GPR155: variants seen among roughly 807,000 people sequenced by gnomAD.
GPR155 encodes G protein-coupled receptor 155, also known as lysosomal cholesterol signaling protein.
A neutral mutation model predicts 93.1 loss-of-function variants in GPR155; 65 were observed. The ratio of observed to expected loss-of-function variants is 0.70; its 90% confidence interval spans 0.57 to 0.86. The LOEUF is 0.86. GPR155 is among the 40% of genes least tolerant of loss of function. GPR155 has a pLI of 0.00. For synonymous variants in GPR155, 319 were observed against 360.1 expected, an observed-to-expected ratio of 0.89 and a Z score of 1.29; for missense variants, 838 against 1,034.8, an observed-to-expected ratio of 0.81 and a Z score of 2.61.
chr2:174,445,230 C>G (rs1687084892), intron 12 of GPR155, 54 bp from the exon 13 acceptor site: 2 of 859,770 alleles, frequency 2.3e-6, no homozygotes, highest in Non-Finnish European at 2.0e-6. Context: ...GATAATTCCT[C>G]TCCATCCACA....
chr2:174,478,405 G>A (rs573931936), intron 2 of GPR155, among the ~76,000 whole-genome samples: 51 of 152,216 alleles, frequency 3.4e-4, no homozygotes, highest in African/African-American at 1.2e-3. Context: ...TTGTTGTAGA[G>A]ACAGGGTTTT....
intron 15 of GPR155, among the ~76,000 whole-genome samples, chr2:174,439,663 G>A (rs1212032492): frequency 6.6e-6 from 1 of 152,100 alleles, no homozygotes; most frequent in Non-Finnish European, 1.5e-5. Flanking sequence ...CATTTTATAT[G>A]GCAATCAGAA....
At chr2:174,468,425 A>G (rs1011817108) in intron 5 of GPR155, among the ~76,000 whole-genome samples, 4 of 152,206 alleles carry the variant, frequency 2.6e-5, no homozygotes, top group African/African-American at 9.6e-5. Flanking sequence ...GAAGTAACCA[A>G]AAGTTTCATT....
At chr2:174,470,587 A>G in intron 3 of GPR155, 32 bp from the exon 4 acceptor site, 2 of 1,595,962 alleles carry the variant, frequency 1.3e-6, no homozygotes, top group Non-Finnish European at 8.5e-7. Flanking sequence ...CATTTACCTG[A>G]TATCAAAGCA....
chr2:174,483,319 G>A (rs1688384073), intron 1 of GPR155, among the ~76,000 whole-genome samples: 1 of 152,128 alleles, frequency 6.6e-6, no homozygotes, highest in African/African-American at 2.4e-5. Flanking sequence ...AGTATTATAA[G>A]TTTTCCACTA....
At chr2:174,471,480 A>AG (rs1687997861) in intron 3 of GPR155, among the ~76,000 whole-genome samples, 1 of 151,822 alleles carries the variant, frequency 6.6e-6, no homozygotes, top group South Asian at 2.1e-4. Flanking sequence ...AAAAAAAAAA[A>AG]AAAAAAAATT....
chr2:174,450,761 G>A (rs1011227718), intron 11 of GPR155, among the ~76,000 whole-genome samples: 1 of 152,096 alleles, frequency 6.6e-6, no homozygotes, highest in Non-Finnish European at 1.5e-5. Context: ...CAATTCTATA[G>A]CTCTTGCCCT....
chr2:174,452,731 C>T (rs772429316), intron 11 of GPR155, among the ~76,000 whole-genome samples: 7 of 152,064 alleles, frequency 4.6e-5, no homozygotes, highest in Admixed American at 6.6e-5. Flanking sequence ...CTGCAACCTC[C>T]GCCTCCTGTG....
chr2:174,466,881 G>T (rs1243601338), intron 5 of GPR155, among the ~76,000 whole-genome samples: 2 of 152,156 alleles, frequency 1.3e-5, no homozygotes. Flanking sequence ...ATGTGGCCAG[G>T]CATCGTGGCT....
chr2:174,472,361 G>A (rs951653327), intron 3 of GPR155, among the ~76,000 whole-genome samples: 6 of 152,268 alleles, frequency 3.9e-5, no homozygotes, highest in Middle Eastern at 3.4e-3. Context: ...AGCCAAGATC[G>A]CATGACTGCA....
In GPR155 at chr2:174,459,889, A is replaced by C; in HGVS notation, c.1760T>G (p.Ile587Ser). Reference sequence around the variant, plus strand: ...TAAAAAGATCATACTTGTTTCTGGAATAGAGCTTGTAAAAAGTTCTGGTTC... The same window carrying C: ...TAAAAAGATCATACTTGTTTCTGGACTAGAGCTTGTAAAAAGTTCTGGTTC... Reference protein sequence around the residue: ...VNEPELFTSSIPETSCCSCSM... With the variant: ...VNEPELFTSSSPETSCCSCSM... The change falls in exon 10 of 16, where the codon ATT becomes AGT. Residue 587 changes from isoleucine (I) to serine (S), a missense_variant. This residue lies in a region of GPR155 where 663 missense variants were observed against 790.1 expected (regional missense o/e 0.84). Coordinates refer to ENST00000392552, the MANE Select transcript of GPR155 (RefSeq NM_152529.7). The C allele has an allele frequency of 6.2e-7, 1 of 1,604,696 alleles. No individual in the cohort carries two copies. The highest frequency in any genetic ancestry group is 1.7e-4 in the Middle Eastern group (1 of 6,036).
chr2:174,437,379 A>G (rs751228596), intron 15 of GPR155, among the ~76,000 whole-genome samples: 5 of 152,174 alleles, frequency 3.3e-5, no homozygotes, highest in South Asian at 2.1e-4. Context: ...TAAGAATTAG[A>G]AAAAAAGGTT....
intron 2 of GPR155, among the ~76,000 whole-genome samples, chr2:174,480,712 A>G (rs1688293689): frequency 6.6e-6 from 1 of 152,200 alleles, no homozygotes; most frequent in South Asian, 2.1e-4. Flanking sequence ...TTTTTCTTAA[A>G]CAAGAAATTA....
At chr2:174,478,387 T>C (rs1222367693) in intron 2 of GPR155, among the ~76,000 whole-genome samples, 1 of 152,168 alleles carries the variant, frequency 6.6e-6, no homozygotes, top group African/African-American at 2.4e-5. Flanking sequence ...TGGCTAATTT[T>C]GCTGTTGTTG....
chr2:174,465,608 T>C (rs1431987217), intron 7 of GPR155, among the ~76,000 whole-genome samples, 177 bp downstream of exon 7: 9 of 151,716 alleles, frequency 5.9e-5, no homozygotes, highest in Non-Finnish European at 1.3e-4. Flanking sequence ...AGGAATAGAG[T>C]ACATTAGGAA....
Position 174,435,994 on chromosome 2 carries a change from A to G in GPR155, c.*122T>C. The G allele has an allele frequency of 1.4e-6, 1 of 714,570 alleles. No individual in the cohort carries two copies. The highest frequency in any genetic ancestry group is 2.6e-5 in the Admixed American group (1 of 37,848). 44.3% of individuals were successfully genotyped at this position (714,570 alleles called of 1,614,324 possible). ...GTGGGAGCACATCTTTTCACATTTT[A>G]CAGAAGAGACAACTGAGGCTCAGAG... On this transcript the variant is annotated 3_prime_UTR_variant, in exon 16 of 16. Coordinates refer to ENST00000392552, the MANE Select transcript of GPR155 (RefSeq NM_152529.7).
At chr2:174,458,293 A>T (rs759480958) in intron 10 of GPR155, among the ~76,000 whole-genome samples, 2 of 152,204 alleles carry the variant, frequency 1.3e-5, no homozygotes, top group Non-Finnish European at 2.9e-5. Flanking sequence ...GACCATGGTA[A>T]CTGGAATGTT....
intron 1 of GPR155, among the ~76,000 whole-genome samples, chr2:174,484,289 T>C (rs1482982906): frequency 6.6e-6 from 1 of 152,172 alleles, no homozygotes; most frequent in African/African-American, 2.4e-5. Flanking sequence ...TACACATACT[T>C]GAAGTAAGGA....
At chr2:174,469,213 A>T in intron 4 of GPR155, 146 bp from the exon 5 acceptor site, 1 of 609,474 alleles carries the variant, frequency 1.6e-6, no homozygotes, top group Non-Finnish European at 2.8e-6. Flanking sequence ...ATCCAATACC[A>T]TACTTCCCCT....
Sources: gnomAD v4.1 joint callset for allele counts (sites outside exome capture counted in the v4.1 genomes callset) on GRCh38, gnomAD v4.1.1 for gene constraint, gnomAD v4.1.1 regional missense constraint, MANE v1.5 for transcripts, NCBI Gene and HGNC (gene_info 2026-07-23, HGNC 2026-07-21) for gene names.